The following PLCB1 variants were observed in gnomAD, a reference collection of about 807,000 sequenced individuals.
PLCB1 encodes the protein phospholipase C beta 1.
Under a neutral mutation model 161.8 loss-of-function variants are expected in PLCB1, and 46 were observed. That is an observed-to-expected ratio of 0.28 (90% confidence interval 0.22 to 0.36). PLCB1 has a LOEUF of 0.36. PLCB1 is among the 10% of genes least tolerant of loss of function. The pLI, the probability that PLCB1 is intolerant of heterozygous loss-of-function variation, is 1.00. For synonymous variants in PLCB1, 517 were observed against 503.7 expected, an observed-to-expected ratio of 1.03 and a Z score of -0.35; for missense variants, 1,016 against 1,472.5, an observed-to-expected ratio of 0.69 and a Z score of 5.07.
At chr20:8,776,888 G>A (rs1220260332) in intron 27 of PLCB1, among the ~76,000 whole-genome samples, 3 of 152,134 alleles carry the variant, frequency 2.0e-5, no homozygotes, top group African/African-American at 7.2e-5. Context: ...GAATAAGGAG[G>A]GGCGGTTTGG....
At chr20:8,820,220 T>G (rs900068213) in intron 31 of PLCB1, among the ~76,000 whole-genome samples, 6 of 148,434 alleles carry the variant, frequency 4.0e-5, no homozygotes, top group Non-Finnish European at 5.9e-5. Context: ...TATAGTATTA[T>G]ATATACTCTA....
At chr20:8,290,079 A>G (rs1003548908) in intron 2 of PLCB1, among the ~76,000 whole-genome samples, 14 of 152,212 alleles carry the variant, frequency 9.2e-5, no homozygotes, top group African/African-American at 2.9e-4. Flanking sequence ...AAATGGTGCA[A>G]TAGGCTTCCT....
intron 31 of PLCB1, chr20:8,792,281 CAAT>C (rs1181803707): frequency 4.0e-4 from 83 of 207,732 alleles, no homozygotes; most frequent in Admixed American, 3.8e-3. Context: ...ATTCTTAAAC[CAAT>C]CATGGGCAGT....
chr20:8,280,731 A>G (rs1394982628), intron 2 of PLCB1, among the ~76,000 whole-genome samples: 2 of 152,358 alleles, frequency 1.3e-5, no homozygotes, highest in African/African-American at 4.8e-5. Flanking sequence ...TTAAATATTA[A>G]GCATTTAATT....
intron 2 of PLCB1, among the ~76,000 whole-genome samples, chr20:8,200,791 A>G (rs2052084156): frequency 6.6e-6 from 1 of 152,072 alleles, no homozygotes; most frequent in Non-Finnish European, 1.5e-5. Context: ...AGCAGTATTT[A>G]TCTGGATCCG....
chr20:8,394,685 C>T (rs779456798), intron 3 of PLCB1, among the ~76,000 whole-genome samples: 94 of 152,246 alleles, frequency 6.2e-4, no homozygotes, highest in Admixed American at 1.4e-3. Flanking sequence ...TACTGTTATC[C>T]TTAAAACTAT....
intron 2 of PLCB1, among the ~76,000 whole-genome samples, chr20:8,260,182 G>A (rs1226222235): frequency 6.7e-6 from 1 of 149,946 alleles, no homozygotes; most frequent in Non-Finnish European, 1.5e-5. Flanking sequence ...CTAGACTCAA[G>A]CAATCTTATA....
At chr20:8,392,661 T>G (rs1987643878) in intron 3 of PLCB1, among the ~76,000 whole-genome samples, 1 of 152,202 alleles carries the variant, frequency 6.6e-6, no homozygotes, top group African/African-American at 2.4e-5. Context: ...CCAGCCATAA[T>G]GTGTGATATA....
chr20:8,454,029 C>G (rs373426139), intron 3 of PLCB1, among the ~76,000 whole-genome samples: 3 of 152,194 alleles, frequency 2.0e-5, no homozygotes, highest in East Asian at 1.9e-4. Flanking sequence ...TGTGAGGAGA[C>G]AGGGGAAGGT....
chr20:8,205,522 A>G (rs1978479813), intron 2 of PLCB1, among the ~76,000 whole-genome samples: 1 of 152,164 alleles, frequency 6.6e-6, no homozygotes, highest in Non-Finnish European at 1.5e-5. Flanking sequence ...AGAAAAAAAT[A>G]AGACAGAAGG....
chr20:8,479,139 T>C (rs1275906825), intron 3 of PLCB1, among the ~76,000 whole-genome samples: 1 of 152,196 alleles, frequency 6.6e-6, no homozygotes, highest in African/African-American at 2.4e-5. Context: ...GTTTAATGTC[T>C]TATTTTTTAT....
intron 4 of PLCB1, among the ~76,000 whole-genome samples, chr20:8,645,017 C>T (rs899590994): frequency 2.6e-5 from 4 of 152,128 alleles, no homozygotes; most frequent in African/African-American, 9.7e-5. Context: ...TGTAACCTTA[C>T]CCCCAACCCT....
rs557049946 is a variant in PLCB1, at chr20:8,722,086, A to G, written c.1514-268A>G. Among the ~76,000 whole-genome samples, 5 of 152,318 alleles carry G rather than the reference A, an allele frequency of 3.3e-5. No homozygotes were observed. The East Asian group carries it at 9.6e-4, about 29-fold the overall frequency. ...ATGCCACGTGTTTAAAAACATATAG[A>G]GAAAAAATATTGACACGCATTTTTT... On this transcript the variant is annotated intron_variant, in intron 14 of 31. Coordinates refer to ENST00000338037, the MANE Select transcript of PLCB1 (RefSeq NM_015192.4).
chr20:8,772,949 A>C (rs1305733170), intron 26 of PLCB1, among the ~76,000 whole-genome samples: 1 of 152,196 alleles, frequency 6.6e-6, no homozygotes, highest in Non-Finnish European at 1.5e-5. Context: ...AAAGAAAAGA[A>C]AAGAAAAAAG....
intron 2 of PLCB1, among the ~76,000 whole-genome samples, chr20:8,274,576 T>A (rs1360979902): frequency 6.6e-6 from 1 of 152,020 alleles, no homozygotes; most frequent in Non-Finnish European, 1.5e-5. Context: ...TTAAATAAGA[T>A]CAATGTTCTC....
intron 2 of PLCB1, among the ~76,000 whole-genome samples, chr20:8,240,203 T>G (rs1024999451): frequency 2.0e-5 from 3 of 151,648 alleles, no homozygotes; most frequent in Admixed American, 6.6e-5. Context: ...CCTCAACACC[T>G]CTCAGTCTCC....
intron 3 of PLCB1, among the ~76,000 whole-genome samples, chr20:8,622,182 A>G (rs1207597593): frequency 6.6e-6 from 1 of 151,380 alleles, no homozygotes; most frequent in Non-Finnish European, 1.5e-5. Context: ...TGAACCAGGG[A>G]GGAAGAGGTT....
chr20:8,400,224 C>A (rs1232690804), intron 3 of PLCB1, among the ~76,000 whole-genome samples: 1 of 152,094 alleles, frequency 6.6e-6, no homozygotes, highest in Non-Finnish European at 1.5e-5. Context: ...AGTTTCACTT[C>A]CTCTTAGAAA....
intron 1 of PLCB1, among the ~76,000 whole-genome samples, chr20:8,136,406 C>G (rs2051348032): frequency 2.0e-5 from 3 of 152,116 alleles, no homozygotes; most frequent in African/African-American, 7.2e-5. Context: ...GCGGGCAGAT[C>G]ACAAGACCAG....
Sources: gnomAD v4.1 joint callset for allele counts (sites outside exome capture counted in the v4.1 genomes callset) on GRCh38, gnomAD v4.1.1 for gene constraint, MANE v1.5 for transcripts, NCBI Gene and HGNC (gene_info 2026-07-23, HGNC 2026-07-21) for gene names.